The following NPAS3 variants were observed in gnomAD, a reference collection of about 807,000 sequenced individuals.
NPAS3 encodes the protein neuronal PAS domain-containing protein 3.
Under a neutral mutation model 73.1 loss-of-function variants are expected in NPAS3, and 14 were observed. The ratio of observed to expected loss-of-function variants is 0.19; its 90% confidence interval spans 0.13 to 0.30. NPAS3 has a LOEUF of 0.30. Ranked by LOEUF, NPAS3 falls within the 10% of genes least tolerant of loss-of-function variation. The pLI, the probability that NPAS3 is intolerant of heterozygous loss-of-function variation, is 1.00. For missense variants in NPAS3, 1,096 were observed against 1,250.0 expected, an observed-to-expected ratio of 0.88 and a Z score of 1.86; for synonymous variants, 620 against 541.5, an observed-to-expected ratio of 1.14 and a Z score of -2.01.
At chr14:33,566,399 A>T (rs1487959257) in intron 5 of NPAS3, among the ~76,000 whole-genome samples, 1 of 152,058 alleles carries the variant, frequency 6.6e-6, no homozygotes, top group Non-Finnish European at 1.5e-5. Context: ...CTTGGGGGAA[A>T]AAGTTCCTCT....
chr14:33,149,590 T>C (rs954740666), intron 2 of NPAS3, among the ~76,000 whole-genome samples: 2 of 152,218 alleles, frequency 1.3e-5, no homozygotes, highest in Admixed American at 6.5e-5. Context: ...AGCTTGCAAA[T>C]TGGCTTACTT....
rs528702498 is a variant in NPAS3 at position 33,137,945 on chromosome 14, G to A, written c.141-77237G>A. Among the ~76,000 whole-genome samples the A allele has an allele frequency of 2.3e-4, 35 of 152,178 alleles. 2 individuals are homozygous for A. In the South Asian group the frequency reaches 7.1e-3, roughly 31 times the overall value. ...TACAACTTTCTGAACAGAATTATCT[G>A]GTAGGTGTGGAGGGTTTTTAAAATA... is the stretch of plus-strand genomic sequence containing the variant. On this transcript the variant is annotated intron_variant, in intron 2 of 11. Transcript: ENST00000356141.
chr14:32,987,693 A>G (rs935804146), intron 1 of NPAS3, among the ~76,000 whole-genome samples: 35 of 152,312 alleles, frequency 2.3e-4, no homozygotes, highest in Non-Finnish European at 3.7e-4. Context: ...AAAATTACAA[A>G]CTTAAAAGTG....
chr14:33,618,733 G>A (rs968052653), intron 5 of NPAS3, among the ~76,000 whole-genome samples: 5 of 152,160 alleles, frequency 3.3e-5, no homozygotes, highest in African/African-American at 1.2e-4. Flanking sequence ...GCAATGAAAT[G>A]TTTTCCCACT....
At chr14:33,796,878 C>T (rs73260702) in intron 10 of NPAS3, among the ~76,000 whole-genome samples, 7,232 of 152,240 alleles carry the variant, frequency 0.048, 525 homozygotes, top group African/African-American at 0.16. Context: ...GTACACCACA[C>T]GAGCAGATGA....
intron 3 of NPAS3, among the ~76,000 whole-genome samples, chr14:33,279,245 T>G (rs866305107): frequency 1.3e-5 from 2 of 152,160 alleles, no homozygotes; most frequent in African/African-American, 2.4e-5. Flanking sequence ...AGGGCAGAGC[T>G]CCTCTTTACT....
chr14:33,159,862 C>A (rs1421701120), intron 2 of NPAS3, among the ~76,000 whole-genome samples: 2 of 152,064 alleles, frequency 1.3e-5, no homozygotes, highest in Admixed American at 6.6e-5. Flanking sequence ...CTGTAACAAG[C>A]TTTTACTAGT....
At chr14:33,214,915 A>G (rs2139674376) in intron 2 of NPAS3, 1 of 455,132 alleles carries the variant, frequency 2.2e-6, no homozygotes, top group Admixed American at 3.9e-5. Flanking sequence ...AATACACCTC[A>G]ATGCATGGAC....
intron 3 of NPAS3, among the ~76,000 whole-genome samples, chr14:33,284,650 G>A (rs2041789196): frequency 6.6e-6 from 1 of 151,996 alleles, no homozygotes; most frequent in Non-Finnish European, 1.5e-5. Flanking sequence ...GAGAAAGAAA[G>A]GAACTGTTTC....
chr14:32,985,827 A>T (rs975817530), intron 1 of NPAS3, among the ~76,000 whole-genome samples: 1 of 152,338 alleles, frequency 6.6e-6, no homozygotes, highest in Admixed American at 6.5e-5. Context: ...AGCTTAGAAG[A>T]AGCTATAAAG....
intron 2 of NPAS3, among the ~76,000 whole-genome samples, chr14:33,186,981 C>T (rs1411392097): frequency 1.3e-5 from 2 of 152,192 alleles, no homozygotes; most frequent in East Asian, 3.9e-4. Flanking sequence ...GTTAAACAGC[C>T]TAATATGTCA....
At chr14:33,072,743 C>T (rs933150117) in intron 2 of NPAS3, among the ~76,000 whole-genome samples, 7 of 152,130 alleles carry the variant, frequency 4.6e-5, no homozygotes, top group African/African-American at 7.2e-5. Context: ...GGAACCTGCC[C>T]ACATAGCCTG....
chr14:33,680,208 G>C (rs1436658581), intron 6 of NPAS3, among the ~76,000 whole-genome samples: 1 of 152,070 alleles, frequency 6.6e-6, no homozygotes, highest in Non-Finnish European at 1.5e-5. Context: ...TTAAATTTCA[G>C]TGCCATGCCT....
chr14:33,342,336 A>G (rs1271488846), intron 3 of NPAS3, among the ~76,000 whole-genome samples: 2 of 152,234 alleles, frequency 1.3e-5, no homozygotes, highest in African/African-American at 2.4e-5. Flanking sequence ...TAAACCTACC[A>G]GTGTAAAGCT....
At chr14:33,087,592 G>A (rs147551514) in intron 2 of NPAS3, among the ~76,000 whole-genome samples, 2 of 152,106 alleles carry the variant, frequency 1.3e-5, no homozygotes, top group Admixed American at 6.5e-5. Context: ...AATGACAAAT[G>A]GTTTTTACAT....
At chr14:33,147,621 A>T (rs2044281520) in intron 2 of NPAS3, among the ~76,000 whole-genome samples, 1 of 151,536 alleles carries the variant, frequency 6.6e-6, no homozygotes, top group African/African-American at 2.4e-5. Context: ...GATAGACCTT[A>T]TGTAAATGAC....
At chr14:33,695,045 A>G (rs1233295696) in intron 6 of NPAS3, among the ~76,000 whole-genome samples, 2 of 152,170 alleles carry the variant, frequency 1.3e-5, no homozygotes, top group Non-Finnish European at 2.9e-5. Context: ...TTCTGGCCAT[A>G]CAACTAACTG....
At chr14:33,560,380 G>T in intron 5 of NPAS3, 170 bp downstream of exon 5, 1 of 473,488 alleles carries the variant, frequency 2.1e-6, no homozygotes, top group African/African-American at 2.0e-5. Context: ...TGTCAGTGTT[G>T]AACATTCAGA....
At chr14:33,707,552 A>C (rs2140477524) in intron 6 of NPAS3, among the ~76,000 whole-genome samples, 1 of 152,216 alleles carries the variant, frequency 6.6e-6, no homozygotes, top group South Asian at 2.1e-4. Flanking sequence ...ACAACAACAA[A>C]AAAGGAAGTG....
Sources: gnomAD v4.1 joint callset for allele counts (sites outside exome capture counted in the v4.1 genomes callset) on GRCh38, gnomAD v4.1.1 for gene constraint, MANE v1.5 for transcripts, NCBI Gene and HGNC (gene_info 2026-07-23, HGNC 2026-07-21) for gene names.